PRMT8: variants seen among roughly 807,000 people sequenced by gnomAD.
The protein encoded by PRMT8 is protein arginine methyltransferase 8, also known as protein arginine N-methyltransferase 8.
PRMT8 carries 7 observed loss-of-function variants against 47.1 expected under a neutral mutation model. That is an observed-to-expected ratio of 0.15 (90% CI 0.08 to 0.28). The LOEUF (loss-of-function observed/expected upper bound fraction) is 0.28, where lower values mean the gene tolerates loss of function less well. Ranked by LOEUF, PRMT8 falls within the 10% of genes least tolerant of loss-of-function variation. The pLI is 1.00. For missense variants in PRMT8, 237 were observed against 505.4 expected (o/e 0.47, Z 5.09); for synonymous variants, 188 against 186.5 (o/e 1.01, Z -0.07).
chr12:3,539,413 C>T (rs1302510409), intron 1 of PRMT8, among the ~76,000 whole-genome samples: 1 of 152,188 alleles, frequency 6.6e-6, no homozygotes, highest in East Asian at 1.9e-4. Flanking sequence ...CTATCTGCCT[C>T]CTAGTATCTA....
chr12:3,423,383 G>A (rs148361367), intron 1 of PRMT8, among the ~76,000 whole-genome samples: 10 of 152,314 alleles, frequency 6.6e-5, no homozygotes, highest in African/African-American at 1.7e-4. Context: ...GCTTGTAACC[G>A]TATGATTTGG....
chr12:3,541,199 G>A (rs1004641413), intron 2 of PRMT8, among the ~76,000 whole-genome samples: 4 of 152,222 alleles, frequency 2.6e-5, no homozygotes, highest in Non-Finnish European at 4.4e-5. Context: ...GTCATGATGT[G>A]CATTCTTTTG....
chr12:3,427,508 G>A (rs190447238), intron 1 of PRMT8, among the ~76,000 whole-genome samples: 154 of 152,050 alleles, frequency 1.0e-3, no homozygotes, highest in African/African-American at 3.5e-3. Flanking sequence ...ACCATTTAAT[G>A]TAGGTAAAAA....
intron 7 of PRMT8, among the ~76,000 whole-genome samples, chr12:3,582,686 C>T (rs1329761231): frequency 6.6e-6 from 1 of 152,170 alleles, no homozygotes. Context: ...ATGGATGGAG[C>T]AGTGCCTGGG....
chr12:3,461,417 T>C (rs1865039556), intron 1 of PRMT8, among the ~76,000 whole-genome samples: 1 of 152,006 alleles, frequency 6.6e-6, no homozygotes, highest in African/African-American at 2.4e-5. Context: ...GTGTGTGTGA[T>C]GTCCCTCTCC....
chr12:3,513,070 A>C (rs903418155), intron 1 of PRMT8, among the ~76,000 whole-genome samples: 3 of 152,194 alleles, frequency 2.0e-5, no homozygotes, highest in Non-Finnish European at 4.4e-5. Flanking sequence ...CCGGGGATCA[A>C]AGGGTTTGAG....
chr12:3,591,820 T>C (rs930994538), intron 8 of PRMT8, among the ~76,000 whole-genome samples: 3 of 152,242 alleles, frequency 2.0e-5, no homozygotes, highest in African/African-American at 7.2e-5. Context: ...GGGCCTACTC[T>C]ACAAATCTCT....
intron 1 of PRMT8, among the ~76,000 whole-genome samples, chr12:3,425,330 A>G (rs1487111077): frequency 6.6e-6 from 1 of 152,220 alleles, no homozygotes; most frequent in Admixed American, 6.5e-5. Flanking sequence ...TAGCAGGGCT[A>G]TTGCTGGCAA....
intron 1 of PRMT8, among the ~76,000 whole-genome samples, chr12:3,539,521 G>T (rs1866182057): frequency 6.6e-6 from 1 of 152,010 alleles, no homozygotes; most frequent in African/African-American, 2.4e-5. Context: ...TATTTTTCTA[G>T]TTCAGCCCTG....
intron 2 of PRMT8, among the ~76,000 whole-genome samples, chr12:3,545,419 A>G (rs1239011569): frequency 1.3e-5 from 2 of 152,230 alleles, no homozygotes; most frequent in Non-Finnish European, 1.5e-5. Context: ...GCTTCAGCTC[A>G]CCTTCAAAGT....
rs1052113555 is a variant in PRMT8 at position 3,557,475 on chromosome 12, G to T, written c.481+3761G>T. ...CTGCGATCCTGAGGCCCAAGTAGGG[G>T]GATGCTGCTCAGACCCCTTGGCCTC... is the stretch of plus-strand genomic sequence containing the variant. On this transcript the variant is annotated intron_variant, in intron 4 of 9. Coordinates refer to ENST00000382622, the MANE Select transcript of PRMT8 (RefSeq NM_019854.5). The surrounding 1 kb of genome is among the most constrained non-coding windows in gnomAD (Gnocchi z 4.7). Among the ~76,000 whole-genome samples, 1 of 152,180 alleles carries T rather than the reference G, an allele frequency of 6.6e-6. No homozygotes were observed. Among genetic ancestry groups the T allele is most frequent in the African/African-American group, 2.4e-5 (1 of 41,430 alleles).
intron 1 of PRMT8, among the ~76,000 whole-genome samples, chr12:3,484,572 C>T (rs565184038): frequency 6.6e-6 from 1 of 152,382 alleles, no homozygotes; most frequent in Admixed American, 6.5e-5. Context: ...CCAGATGCTT[C>T]ATCTGCATTG....
chr12:3,543,520 G>A (rs1866269911), intron 2 of PRMT8, among the ~76,000 whole-genome samples: 1 of 152,182 alleles, frequency 6.6e-6, no homozygotes, highest in South Asian at 2.1e-4. Flanking sequence ...CCCTCACACG[G>A]TGGGGAGCAG....
chr12:3,592,199 C>T lies in PRMT8; in HGVS notation c.980-32C>T, dbSNP rs537998282. On this transcript the variant is annotated intron_variant, in intron 8 of 9. Coordinates refer to ENST00000382622, the MANE Select transcript of PRMT8 (RefSeq NM_019854.5). ...TTGGAGACTTCGTCTCTGACTCTTTCTTCCCACCTCCCCTGTTCTCTCACC... is the reference window on the plus strand; with the variant it reads ...TTGGAGACTTCGTCTCTGACTCTTTTTTCCCACCTCCCCTGTTCTCTCACC... 5 of 1,539,058 alleles carry T rather than the reference C, an allele frequency of 3.2e-6. No individual in the cohort carries two copies. The East Asian group carries it at 1.2e-4, about 38-fold the overall frequency.
intron 1 of PRMT8, among the ~76,000 whole-genome samples, chr12:3,529,107 C>T (rs1865988369): frequency 6.6e-6 from 1 of 152,148 alleles, no homozygotes; most frequent in Non-Finnish European, 1.5e-5. Flanking sequence ...TCTCTGAAGG[C>T]TCTTCTCTGT....
At chr12:3,421,740 C>T (rs917378625) in intron 1 of PRMT8, among the ~76,000 whole-genome samples, 8 of 152,202 alleles carry the variant, frequency 5.3e-5, no homozygotes, top group Admixed American at 1.3e-4. Context: ...CACATTTAAT[C>T]GCAGCATTTT....
chr12:3,530,232 G>A (rs762999352), intron 1 of PRMT8, among the ~76,000 whole-genome samples: 3 of 152,090 alleles, frequency 2.0e-5, no homozygotes, highest in Non-Finnish European at 4.4e-5. Context: ...TCACATGGTG[G>A]GAAAGGGCCT....
chr12:3,416,130 G>A (rs1271912519), intron 1 of PRMT8, among the ~76,000 whole-genome samples: 3 of 152,188 alleles, frequency 2.0e-5, no homozygotes, highest in Non-Finnish European at 4.4e-5. Context: ...GGCCTGCCTA[G>A]GTCTCCTCGC....
chr12:3,512,723 G>A (rs778376651), intron 1 of PRMT8, among the ~76,000 whole-genome samples: 6 of 152,136 alleles, frequency 3.9e-5, no homozygotes, highest in Admixed American at 6.6e-5. Flanking sequence ...TGCCTGTCTC[G>A]TCTCCGCACT....
Sources: allele counts gnomAD v4.1 joint callset (sites outside exome capture counted in the v4.1 genomes callset), GRCh38; gene constraint gnomAD v4.1.1; non-coding constraint Gnocchi (gnomAD v3.1); transcripts MANE v1.5; gene names NCBI Gene and HGNC (gene_info 2026-07-23, HGNC 2026-07-21).